EIF2AK1: variants seen among roughly 807,000 people sequenced by gnomAD.
EIF2AK1 encodes eukaryotic translation initiation factor 2-alpha kinase 1.
In EIF2AK1, 54 loss-of-function variants were observed where a neutral mutation model predicts 77.9. That is an observed-to-expected ratio of 0.69 (90% CI 0.56 to 0.87). The LOEUF is 0.87. EIF2AK1 is among the 40% of genes least tolerant of loss of function. The pLI, the probability that EIF2AK1 is intolerant of heterozygous loss-of-function variation, is 0.00. For missense variants in EIF2AK1, 810 were observed against 768.6 expected (o/e 1.05, Z -0.64); for synonymous variants, 314 against 290.5 (o/e 1.08, Z -0.82).
Position 6,024,592 on chromosome 7 carries a change from A to G in EIF2AK1, c.*81T>C. 1 of 1,595,174 alleles carries G rather than the reference A, an allele frequency of 6.3e-7. No homozygotes were observed. Among genetic ancestry groups the G allele is most frequent in the Middle Eastern group, 1.7e-4 (1 of 5,966 alleles). ...GTCTTGTAAAGGCTTACTAAATACA[A>G]CGAAGCATTGTACCAACTATACCCT... On this transcript the variant is annotated 3_prime_UTR_variant, in exon 15 of 15. Coordinates refer to ENST00000199389, the MANE Select transcript of EIF2AK1 (RefSeq NM_014413.4).
chr7:6,056,609 A>ATATATATATATATATAT (rs1386645880), intron 1 of EIF2AK1, among the ~76,000 whole-genome samples: 1 of 26,714 alleles, frequency 3.7e-5, no homozygotes, highest in Non-Finnish European at 7.8e-5. Flanking sequence ...AAAAAAAAAA[A>ATATATATATATATATAT]AAAAATATAT....
chr7:6,050,127 G>T, intron 2 of EIF2AK1, 82 bp from the exon 3 acceptor site: 1 of 1,116,006 alleles, frequency 9.0e-7, no homozygotes, highest in Non-Finnish European at 1.3e-6. Flanking sequence ...AGAATAACGT[G>T]TAATAATAGC....
chr7:6,026,355 T>C, intron 14 of EIF2AK1: 1 of 447,902 alleles, frequency 2.2e-6, no homozygotes, highest in South Asian at 1.7e-5. Flanking sequence ...GGCCTAGCCA[T>C]GAGAAGGTGC....
At chr7:6,056,890 GGGGAAAAA>G (rs1334342646) in intron 1 of EIF2AK1, among the ~76,000 whole-genome samples, 2 of 151,156 alleles carry the variant, frequency 1.3e-5, no homozygotes, top group African/African-American at 4.9e-5. Context: ...CCTTATATGT[GGGGAAAAA>G]GTTATTTGTC....
At chr7:6,026,138 C>G (rs1247931160) in intron 14 of EIF2AK1, among the ~76,000 whole-genome samples, 1 of 152,172 alleles carries the variant, frequency 6.6e-6, no homozygotes, top group African/African-American at 2.4e-5. Context: ...CACTCTTCAG[C>G]ACTACCCGGG....
intron 8 of EIF2AK1, 124 bp downstream of exon 8, chr7:6,042,809 T>A (rs918104811): frequency 1.4e-5 from 10 of 713,856 alleles, no homozygotes; most frequent in East Asian, 2.8e-5. Context: ...GAGGTTGCAG[T>A]GAGCCAAGAT....
intron 9 of EIF2AK1, among the ~76,000 whole-genome samples, 172 bp from the exon 10 acceptor site, chr7:6,038,843 C>T (rs1788184668): frequency 1.3e-5 from 2 of 152,106 alleles, no homozygotes; most frequent in Non-Finnish European, 1.5e-5. Context: ...AGGACACAGG[C>T]CCACCCAAGA....
rs1354876006 is a variant in EIF2AK1, at chr7:6,033,526, A to G, written c.1332+3898T>C. ...AGTAAAGTCCTTGCCATGGCCTTCA[A>G]TAAGTTTAACCACCAAAGTTAGGTG... On this transcript the variant is annotated intron_variant, in intron 11 of 14. Coordinates refer to ENST00000199389, the MANE Select transcript of EIF2AK1 (RefSeq NM_014413.4). This position sits in a 1 kb window ranked among gnomAD's most constrained non-coding sequence, Gnocchi z 4.4. 6.6e-6 allele frequency among the ~76,000 whole-genome samples: 1 copy of G among 152,174 alleles called. No homozygotes were observed. Among genetic ancestry groups the G allele is most frequent in the Non-Finnish European group, 1.5e-5 (1 of 68,042 alleles).
chr7:6,050,108 T>G, intron 2 of EIF2AK1, 63 bp from the exon 3 acceptor site: 1 of 1,378,636 alleles, frequency 7.3e-7, no homozygotes, highest in Non-Finnish European at 1.0e-6. Context: ...AATTTTAAAG[T>G]GTACACAGAG....
chr7:6,052,974 A>T (rs1206128971), intron 2 of EIF2AK1, among the ~76,000 whole-genome samples: 1 of 152,160 alleles, frequency 6.6e-6, no homozygotes, highest in Non-Finnish European at 1.5e-5. Context: ...AGAAAAAAAA[A>T]AATTGTGAGC....
rs1473743779 is a variant in EIF2AK1, at chr7:6,046,013, C to T, written c.630+58G>A. On this transcript the variant is annotated intron_variant, in intron 6 of 14. Transcript: ENST00000199389. ...AATATACACATATACATGTATAACT[C>T]TTTCAAAAAGAACTAAATACACAAT... 5 of 1,200,128 alleles carry T rather than the reference C, an allele frequency of 4.2e-6. No homozygotes were observed. In the African/African-American group the frequency reaches 7.9e-5, roughly 19 times the overall value. The allele number at this position is 1,200,128 out of a possible 1,614,324, so 74.3% of individuals were successfully genotyped here.
intron 5 of EIF2AK1, 50 bp downstream of exon 5, chr7:6,046,942 A>G (rs1562754958): frequency 7.0e-7 from 1 of 1,429,580 alleles, no homozygotes; most frequent in East Asian, 2.3e-5. Flanking sequence ...CAATATCTGA[A>G]AACACAATTA....
intron 2 of EIF2AK1, among the ~76,000 whole-genome samples, chr7:6,050,342 G>A (rs1022156577): frequency 6.6e-6 from 1 of 151,828 alleles, no homozygotes. Context: ...TTACAGGCGT[G>A]TGCCACCATG....
chr7:6,043,095 A>T, intron 7 of EIF2AK1, 102 bp from the exon 8 acceptor site: 2 of 1,179,504 alleles, frequency 1.7e-6, no homozygotes, highest in Non-Finnish European at 2.5e-6. Flanking sequence ...TGAGACTACA[A>T]GTCTAAAAAT....
intron 2 of EIF2AK1, among the ~76,000 whole-genome samples, chr7:6,054,184 C>T (rs1483123376): frequency 6.6e-6 from 1 of 150,380 alleles, no homozygotes; most frequent in Non-Finnish European, 1.5e-5. Flanking sequence ...TAAGTGAGAA[C>T]AGCAACACAG....
At chr7:6,053,057 A>T (rs564541008) in intron 2 of EIF2AK1, among the ~76,000 whole-genome samples, 1 of 152,306 alleles carries the variant, frequency 6.6e-6, no homozygotes, top group East Asian at 1.9e-4. Context: ...ATCCACAGTT[A>T]TATTTGTAAG....
chr7:6,056,223 G>C (rs973268711), intron 1 of EIF2AK1, among the ~76,000 whole-genome samples: 9 of 148,768 alleles, frequency 6.0e-5, no homozygotes, highest in Non-Finnish European at 3.0e-5. Flanking sequence ...AACCCAGGAG[G>C]TGGAGGTTGC....
At chr7:6,044,118 AATAATTTCAC>A (rs1172574158) in intron 7 of EIF2AK1, among the ~76,000 whole-genome samples, 1 of 151,700 alleles carries the variant, frequency 6.6e-6, no homozygotes, top group Admixed American at 6.6e-5. Flanking sequence ...AAAAGAAAAA[AATAATTTCAC>A]ATAATTTTCA....
chr7:6,055,300 C>G (rs1368663806), intron 1 of EIF2AK1, among the ~76,000 whole-genome samples: 2 of 131,732 alleles, frequency 1.5e-5, no homozygotes, highest in Non-Finnish European at 3.1e-5. Flanking sequence ...CCGAGATCAA[C>G]CATTGCATTC....
Sources: gnomAD v4.1 joint callset for allele counts (sites outside exome capture counted in the v4.1 genomes callset) on GRCh38, gnomAD v4.1.1 for gene constraint, Gnocchi (gnomAD v3.1) non-coding constraint, MANE v1.5 for transcripts, NCBI Gene and HGNC (gene_info 2026-07-23, HGNC 2026-07-21) for gene names.